Variants in IGSF9 observed in about 807,000 individuals in gnomAD.
IGSF9 encodes the protein immunoglobulin superfamily member 9.
IGSF9 carries 87 observed loss-of-function variants against 121.7 expected under a neutral mutation model. The observed-to-expected ratio is 0.71, with a 90% CI of 0.60 to 0.85. The LOEUF is 0.85. Among genes scored for constraint, IGSF9 ranks in the 40% least tolerant of loss-of-function variants. The pLI is 0.00. For synonymous variants in IGSF9, 640 were observed against 648.4 expected, an observed-to-expected ratio of 0.99 and a Z score of 0.20; for missense variants, 1,462 against 1,565.3, an observed-to-expected ratio of 0.93 and a Z score of 1.11.
rs138111490 is a variant in IGSF9 at position 159,927,076 on chromosome 1, TCACA to T, written c.*265_*268del. 200 of 361,560 alleles carry T rather than the reference TCACA, an allele frequency of 5.5e-4. No homozygotes were observed. Among genetic ancestry groups the T allele is most frequent in the Middle Eastern group, 7.4e-4 (1 of 1,354 alleles). 22.4% of individuals were successfully genotyped at this position (361,560 alleles called of 1,614,324 possible). Reference sequence around the variant, plus strand: ...TTTGTTTATTCACCTGTAAAAAACTTCACACACACACACACACACACAGAGAGAG... The same window carrying T: ...TTTGTTTATTCACCTGTAAAAAACTTCACACACACACACACACAGAGAGAG... On this transcript the variant is annotated 3_prime_UTR_variant, in exon 21 of 21. Transcript: ENST00000368094.
At chr1:159,943,184 G>A (rs771464043) in intron 2 of IGSF9, 33 bp from the exon 3 acceptor site, 140 of 1,561,448 alleles carry the variant, frequency 9.0e-5, no homozygotes, top group Non-Finnish European at 1.1e-4. Context: ...GCACAACGGG[G>A]GGCTAGGGTC....
At chr1:159,941,968 G>A (rs376023445) in intron 3 of IGSF9, among the ~76,000 whole-genome samples, 3 of 152,212 alleles carry the variant, frequency 2.0e-5, no homozygotes, top group African/African-American at 2.4e-5. Context: ...TGCTCAGCCC[G>A]CCCTGTGGCA....
At chr1:159,941,982 C>A (rs1360199273) in intron 3 of IGSF9, among the ~76,000 whole-genome samples, 1 of 152,254 alleles carries the variant, frequency 6.6e-6, no homozygotes, top group Non-Finnish European at 1.5e-5. Context: ...TGTGGCAAGG[C>A]TCAGCCAATC....
chr1:159,927,502 C>T lies in IGSF9; in HGVS notation c.3383G>A (p.Cys1128Tyr). The T allele has an allele frequency of 6.2e-7, 1 of 1,613,814 alleles. No individual in the cohort carries two copies. The highest frequency in any genetic ancestry group is 8.5e-7 in the Non-Finnish European group (1 of 1,179,828). ...AGTAACATGGGCAGTGTTCAGGAGG[C>T]AGCCCTCCTCTGGAGTCTTCACACC... The part of the protein sequence containing the change: ...ELGVKTPEEG[C>Y]LLNTAHVTGP... Residue 1128 changes from cysteine to tyrosine, a missense_variant, in exon 21 of 21, where the codon TGC becomes TAC. Cys to Tyr is a radical substitution (Grantham distance 194). Around this residue, in one of 3 missense-constraint regions of IGSF9, gnomAD observed 808 missense variants for 815.2 expected, o/e 0.99. Coordinates refer to ENST00000368094, the MANE Select transcript of IGSF9 (RefSeq NM_001135050.2).
rs764130091 is a variant in IGSF9, at chr1:159,930,436, A to G, written c.1817T>C (p.Leu606Pro). The G allele has an allele frequency of 3.3e-6, 5 of 1,533,000 alleles. No homozygotes were observed. In the Admixed American group the frequency reaches 1.0e-4, roughly 32 times the overall value. 95.0% of individuals were successfully genotyped at this position (1,533,000 alleles called of 1,614,324 possible). ...CCCGGGTGCAGCTGGCGTGGTAGGAAGCCCTGCGTGGGACAGAAAGGCAGG... is the reference window on the plus strand; with the variant it reads ...CCCGGGTGCAGCTGGCGTGGTAGGAGGCCCTGCGTGGGACAGAAAGGCAGG... ...SEIVLSAPEG[L>P]PTTPAAPGLP... is the part of the protein sequence containing the mutation. Residue 606 changes from leucine (L) to proline (P), a missense_variant, in exon 15 of 21, where the codon CTT becomes CCT. Around this residue, in one of 3 missense-constraint regions of IGSF9, gnomAD observed 808 missense variants for 815.2 expected, o/e 0.99. Transcript: ENST00000368094.
At chr1:159,944,291 C>A (rs1651514094) in intron 1 of IGSF9, among the ~76,000 whole-genome samples, 1 of 152,174 alleles carries the variant, frequency 6.6e-6, no homozygotes, top group African/African-American at 2.4e-5. Context: ...TTCAGTCTCC[C>A]TACACTGCTT....
At chr1:159,942,814 G>C in intron 3 of IGSF9, 149 bp downstream of exon 3, 1 of 638,432 alleles carries the variant, frequency 1.6e-6, no homozygotes, top group Non-Finnish European at 2.8e-6. Flanking sequence ...TGGGAGCACA[G>C]CCATGCTTAT....
At position 159,928,301 on chromosome 1, in the gene IGSF9, G is replaced by A; in HGVS notation, c.3087C>T (p.Gly1029=). ...GSLTSQSSGR[G]SASFLRPPST... Reference sequence around the variant, plus strand: ...AGGGGGGCCGCAGGAACGAAGCGCTGCCTCGCCCACTGCTCTGGCTGGTGA... The same window carrying A: ...AGGGGGGCCGCAGGAACGAAGCGCTACCTCGCCCACTGCTCTGGCTGGTGA... The change falls in exon 19 of 21, where the codon GGC becomes GGT. Residue 1029 remains glycine (G), a synonymous_variant. Coordinates refer to ENST00000368094, the MANE Select transcript of IGSF9 (RefSeq NM_001135050.2). 1 of 1,611,596 alleles carries A rather than the reference G, an allele frequency of 6.2e-7. No individual in the cohort carries two copies. The highest frequency in any genetic ancestry group is 8.5e-7 in the Non-Finnish European group (1 of 1,179,184).
At position 159,931,370 on chromosome 1, in the gene IGSF9, C is replaced by A. The variant is rs748357849; in HGVS notation, c.1513+83G>T. On this transcript the variant is annotated intron_variant, in intron 12 of 20. Coordinates refer to ENST00000368094, the MANE Select transcript of IGSF9 (RefSeq NM_001135050.2). This position sits in a 1 kb window ranked among gnomAD's most constrained non-coding sequence, Gnocchi z 4.8. ...ACCCATCATCATCCCAGGGGTCCCA[C>A]ACCCATGATCCTCTTTCTGGGCCTC... 153 of 1,596,330 alleles carry A rather than the reference C, an allele frequency of 9.6e-5. No homozygotes were observed. Among genetic ancestry groups the A allele is most frequent in the Non-Finnish European group, 1.2e-4 (146 of 1,168,926 alleles).
chr1:159,942,456 C>T (rs1466761132), intron 3 of IGSF9, among the ~76,000 whole-genome samples: 2 of 152,138 alleles, frequency 1.3e-5, no homozygotes, highest in African/African-American at 4.8e-5. Context: ...CACAGCCGCA[C>T]CTACCCTGCT....
At position 159,928,567 on chromosome 1, in the gene IGSF9, A is replaced by G. The variant is rs758691284; in HGVS notation, c.2821T>C (p.Trp941Arg). The G allele has an allele frequency of 3.3e-5, 51 of 1,533,856 alleles. No individual in the cohort carries two copies. Among genetic ancestry groups the G allele is most frequent in the Non-Finnish European group, 4.4e-5 (50 of 1,139,216 alleles). Residue 941 changes from tryptophan (W) to arginine (R), a missense_variant, in exon 19 of 21, where the codon TGG becomes CGG. Coordinates refer to ENST00000368094, the MANE Select transcript of IGSF9 (RefSeq NM_001135050.2). ...FFREMNVDGD[W>R]PPLEEPSPAA... Reference sequence around the variant, plus strand: ...GGGCTGGGCTCCTCAAGCGGGGGCCAGTCCCCATCCACATTCATCTCTCGG... The same window carrying G: ...GGGCTGGGCTCCTCAAGCGGGGGCCGGTCCCCATCCACATTCATCTCTCGG...
chr1:159,937,956 A>C (rs888148303), intron 3 of IGSF9, 118 bp from the exon 4 acceptor site: 2 of 1,124,092 alleles, frequency 1.8e-6, no homozygotes, highest in Non-Finnish European at 1.3e-6. Flanking sequence ...AGTTACTCTG[A>C]GTGTGGGGTC....
Position 159,927,128 on chromosome 1 carries a change from AGAGG to A in IGSF9, c.*213_*216del. On this transcript the variant is annotated 3_prime_UTR_variant, in exon 21 of 21. Coordinates refer to ENST00000368094, the MANE Select transcript of IGSF9 (RefSeq NM_001135050.2). ...GAGAGAGAGAGAGAGAGAGAGAGAG[AGAGG>A]CAGACCTAAGATCCCTGTTCCAATC... The A allele has an allele frequency of 4.2e-5, 25 of 593,706 alleles. No individual in the cohort carries two copies. The highest frequency in any genetic ancestry group is 1.4e-4 in the South Asian group (7 of 49,290). 36.8% of individuals were successfully genotyped at this position (593,706 alleles called of 1,614,324 possible). A position where few individuals can be genotyped will look rare whatever the true frequency, so the allele number is the denominator to read the frequency against.
At chr1:159,933,443 C>A (rs545369933) in intron 9 of IGSF9, 1 of 152,446 alleles carries the variant, frequency 6.6e-6, no homozygotes, top group South Asian at 2.1e-4. Context: ...AATTTATAGT[C>A]TCTGCAGACA....
Position 159,932,645 on chromosome 1 carries a change from C to G in IGSF9, c.1112G>C (p.Gly371Ala). 1 of 1,611,026 alleles carries G rather than the reference C, an allele frequency of 6.2e-7. No individual in the cohort carries two copies. The change falls in exon 10 of 21, where the codon GGC (glycine) becomes GCC (alanine). Residue 371 changes from glycine to alanine, a missense_variant. Around this residue, in one of 3 missense-constraint regions of IGSF9, gnomAD observed 558 missense variants for 599.4 expected, o/e 0.93. Transcript: ENST00000368094. The surrounding 1 kb of genome is among the most constrained non-coding windows in gnomAD (Gnocchi z 4.1). The stretch of plus-strand genomic sequence containing the variant: ...TGAGCCTTCTGTGCCCTGGGACCAG[C>G]CAGGGAACTGGAAGGAAGAGAAGAT... Reference protein sequence around the residue: ...GKALQLDKFPGWSQGTEGSLI... With the variant: ...GKALQLDKFPAWSQGTEGSLI...
chr1:159,941,081 G>A (rs1028786446), intron 3 of IGSF9, among the ~76,000 whole-genome samples: 9 of 151,314 alleles, frequency 5.9e-5, no homozygotes, highest in South Asian at 2.1e-4. Context: ...CCATGGCATC[G>A]TTGATAAATC....
chr1:159,939,979 C>T (rs970994113), intron 3 of IGSF9, among the ~76,000 whole-genome samples: 5 of 152,182 alleles, frequency 3.3e-5, no homozygotes, highest in Non-Finnish European at 5.9e-5. Flanking sequence ...CTGTGTCCCA[C>T]ATGATACTTT....
chr1:159,936,923 G>C lies in IGSF9; in HGVS notation c.401-15C>G. 1.2e-6 allele frequency: 2 copies of C among 1,613,612 alleles called. No individual in the cohort carries two copies. Among genetic ancestry groups the C allele is most frequent in the Non-Finnish European group, 1.7e-6 (2 of 1,179,630 alleles). ...TTGAGGGGGTGCTGCAAGGGAGACA[G>C]GCATCAGGGGCCCCAGTGGGGCTGT... On this transcript the variant is annotated splice_polypyrimidine_tract_variant and intron_variant, in intron 4 of 20. Transcript: ENST00000368094.
At chr1:159,943,758 G>C (rs1252507851) in intron 1 of IGSF9, 130 bp from the exon 2 acceptor site, 1 of 328,826 alleles carries the variant, frequency 3.0e-6, no homozygotes, top group East Asian at 4.7e-5. Flanking sequence ...GTAGGGGGAA[G>C]GGGGGGATCT....
Sources: gnomAD v4.1 joint callset for allele counts (sites outside exome capture counted in the v4.1 genomes callset) on GRCh38, gnomAD v4.1.1 for gene constraint, gnomAD v4.1.1 regional missense constraint, Gnocchi (gnomAD v3.1) non-coding constraint, MANE v1.5 for transcripts, NCBI Gene and HGNC (gene_info 2026-07-23, HGNC 2026-07-21) for gene names.